IL19: variants seen among roughly 807,000 people sequenced by gnomAD.
IL19 encodes interleukin 19.
In IL19, 15 loss-of-function variants were observed where a neutral mutation model predicts 19.5. That is an observed-to-expected ratio of 0.77 (90% confidence interval 0.52 to 1.19). IL19 has a LOEUF of 1.19. IL19 is among the 50% of genes most tolerant of loss of function. IL19 has a pLI of 0.00. For missense variants in IL19, 199 were observed against 213.1 expected (o/e 0.93, Z 0.41); for synonymous variants, 78 against 78.3 (o/e 1.00, Z 0.02).
At chr1:206,820,150 G>A (rs530763424) in intron 2 of IL19, among the ~76,000 whole-genome samples, 1 of 152,064 alleles carries the variant, frequency 6.6e-6, no homozygotes, top group Non-Finnish European at 1.5e-5. Flanking sequence ...ATGCTCACTC[G>A]CCTTCCAAGC....
chr1:206,780,188 G>C (rs1302571447), intron 1 of IL19, among the ~76,000 whole-genome samples: 1 of 152,070 alleles, frequency 6.6e-6, no homozygotes, highest in African/African-American at 2.4e-5. Flanking sequence ...ATTTATGTCA[G>C]TTTGTAATTA....
intron 2 of IL19, among the ~76,000 whole-genome samples, chr1:206,805,208 A>G (rs1468876267): frequency 6.6e-6 from 1 of 152,206 alleles, no homozygotes; most frequent in African/African-American, 2.4e-5. Context: ...GCAAATTAAG[A>G]GTGAAAACAC....
At chr1:206,777,047 C>T (rs557767599) in intron 1 of IL19, among the ~76,000 whole-genome samples, 2 of 151,580 alleles carry the variant, frequency 1.3e-5, no homozygotes, top group South Asian at 2.1e-4. Flanking sequence ...CTGGCTAACA[C>T]GGTGAAACCC....
chr1:206,839,158 T>C (rs1676910182), intron 4 of IL19, among the ~76,000 whole-genome samples: 1 of 152,216 alleles, frequency 6.6e-6, no homozygotes. Context: ...CCTGGGAATT[T>C]AGAGACTATT....
intron 1 of IL19, among the ~76,000 whole-genome samples, chr1:206,785,057 A>G (rs1675238048): frequency 6.6e-6 from 1 of 152,170 alleles, no homozygotes; most frequent in East Asian, 1.9e-4. Context: ...AAGTCCCCCA[A>G]TGCCTCCATT....
At chr1:206,841,154 C>T (rs1395333605) in intron 6 of IL19, 76 bp downstream of exon 6, 5 of 1,126,618 alleles carry the variant, frequency 4.4e-6, no homozygotes, top group Non-Finnish European at 6.7e-6. Flanking sequence ...TCAGCCTCCT[C>T]TCCACTTAAA....
At chr1:206,783,142 T>C (rs891653825) in intron 1 of IL19, among the ~76,000 whole-genome samples, 1 of 152,064 alleles carries the variant, frequency 6.6e-6, no homozygotes, top group Non-Finnish European at 1.5e-5. Flanking sequence ...GGTCAGACAT[T>C]GTGTGGTCAT....
At chr1:206,776,218 G>A (rs992557541) in intron 1 of IL19, among the ~76,000 whole-genome samples, 1 of 152,120 alleles carries the variant, frequency 6.6e-6, no homozygotes, top group Non-Finnish European at 1.5e-5. Flanking sequence ...CCCAAAGCAG[G>A]CACTCAGATG....
intron 2 of IL19, among the ~76,000 whole-genome samples, chr1:206,802,873 T>G (rs74148798): frequency 1.8e-3 from 281 of 152,280 alleles, no homozygotes; most frequent in African/African-American, 6.5e-3. Context: ...TAAGAAGGAC[T>G]GTTAAGGAAG....
intron 1 of IL19, among the ~76,000 whole-genome samples, chr1:206,791,949 T>A (rs1315727358): frequency 6.6e-6 from 1 of 151,976 alleles, no homozygotes; most frequent in Non-Finnish European, 1.5e-5. Flanking sequence ...GTGTGTGCAT[T>A]TAACTGTGGG....
chr1:206,824,098 A>G (rs1378933348), intron 2 of IL19, among the ~76,000 whole-genome samples: 2 of 152,228 alleles, frequency 1.3e-5, no homozygotes, highest in Non-Finnish European at 2.9e-5. Flanking sequence ...CTGTTACTTG[A>G]TATCAGCGGA....
At chr1:206,795,855 C>A (rs1675508732) in intron 1 of IL19, among the ~76,000 whole-genome samples, 1 of 151,738 alleles carries the variant, frequency 6.6e-6, no homozygotes, top group Admixed American at 6.6e-5. Flanking sequence ...CAAGAAGAAG[C>A]CTTCTTTGAT....
At chr1:206,780,857 G>A (rs1675113089) in intron 1 of IL19, among the ~76,000 whole-genome samples, 1 of 152,202 alleles carries the variant, frequency 6.6e-6, no homozygotes, top group Non-Finnish European at 1.5e-5. Context: ...CGGTGTGTGA[G>A]GTTGTGGTGG....
chr1:206,826,878 C>G (rs1196201771), intron 2 of IL19, among the ~76,000 whole-genome samples: 1 of 152,146 alleles, frequency 6.6e-6, no homozygotes, highest in Non-Finnish European at 1.5e-5. Flanking sequence ...GAAGAGAGGA[C>G]AAAGATTCTG....
intron 2 of IL19, among the ~76,000 whole-genome samples, chr1:206,820,961 C>T (rs1207917030): frequency 6.6e-6 from 1 of 152,194 alleles, no homozygotes; most frequent in Non-Finnish European, 1.5e-5. Context: ...TACCTAGGAG[C>T]CTTCCCTGAT....
intron 2 of IL19, among the ~76,000 whole-genome samples, chr1:206,814,690 T>TCTCACACACACA (rs150151755): frequency 2.4e-4 from 34 of 140,570 alleles, no homozygotes; most frequent in African/African-American, 9.1e-4. Context: ...TGAAACTCTG[T>TCTCACACACACA]CACACACACA....
intron 2 of IL19, among the ~76,000 whole-genome samples, chr1:206,811,414 A>C (rs1386961579): frequency 6.8e-6 from 1 of 147,170 alleles, no homozygotes; most frequent in Non-Finnish European, 1.5e-5. Context: ...ACTGCACTCC[A>C]GCCTGGGTGA....
At chr1:206,806,072 T>A (rs1192392566) in intron 2 of IL19, among the ~76,000 whole-genome samples, 1 of 152,186 alleles carries the variant, frequency 6.6e-6, no homozygotes, top group Admixed American at 6.5e-5. Context: ...TTCTAATACA[T>A]GTACCATTAA....
At chr1:206,802,066 C>T (rs1448097985) in intron 2 of IL19, among the ~76,000 whole-genome samples, 2 of 152,184 alleles carry the variant, frequency 1.3e-5, no homozygotes, top group African/African-American at 4.8e-5. Context: ...GCACAGGGGG[C>T]TCCCAGCATG....
Sources: gnomAD v4.1 joint callset for allele counts (sites outside exome capture counted in the v4.1 genomes callset) on GRCh38, gnomAD v4.1.1 for gene constraint, MANE v1.5 for transcripts, NCBI Gene and HGNC (gene_info 2026-07-23, HGNC 2026-07-21) for gene names.